GDA: variants seen among roughly 807,000 people sequenced by gnomAD.
GDA encodes guanine deaminase.
GDA carries 18 observed loss-of-function variants against 59.6 expected under a neutral mutation model. The observed-to-expected ratio is 0.30, with a 90% confidence interval of 0.21 to 0.45. GDA has a LOEUF of 0.45. Ranked by LOEUF, GDA falls within the 20% of genes least tolerant of loss-of-function variation. The probability of loss-of-function intolerance (pLI) is 1.00; values close to 1 mark genes in which losing one functional copy is unlikely to be tolerated. For synonymous variants in GDA, 201 were observed against 201.1 expected, an observed-to-expected ratio of 1.00 and a Z score of 0.00; for missense variants, 427 against 552.3, an observed-to-expected ratio of 0.77 and a Z score of 2.27.
chr9:72,138,689 A>G (rs4745169), intron 1 of GDA, among the ~76,000 whole-genome samples: 24,023 of 152,208 alleles, frequency 0.16, 2,568 homozygotes, highest in East Asian at 0.53. Context: ...TCACAGCCAC[A>G]TGTGTGCCTG....
In GDA at chr9:72,149,691, G is replaced by T; in HGVS notation, c.123+9G>T. 6.3e-7 allele frequency: 1 copy of T among 1,594,418 alleles called. No individual in the cohort carries two copies. Among genetic ancestry groups the T allele is most frequent in the Non-Finnish European group, 8.5e-7 (1 of 1,172,156 alleles). On this transcript the variant is annotated intron_variant, in intron 1 of 13. Coordinates refer to ENST00000358399, the MANE Select transcript of GDA (RefSeq NM_004293.5). ...TGAGCGACAGCGGCAAAGTAAGCAGGCGCGGGGTCGAGCGCACTCCGACGG... is the reference window on the plus strand; with the variant it reads ...TGAGCGACAGCGGCAAAGTAAGCAGTCGCGGGGTCGAGCGCACTCCGACGG...
At chr9:72,200,185 A>G (rs1269130648) in intron 2 of GDA, among the ~76,000 whole-genome samples, 6 of 151,710 alleles carry the variant, frequency 4.0e-5, no homozygotes, top group Non-Finnish European at 7.4e-5. Context: ...TTTAGTAGAG[A>G]TGGGGTTTCA....
chr9:72,203,762 G>GA (rs1554671038), intron 3 of GDA, among the ~76,000 whole-genome samples: 1 of 151,716 alleles, frequency 6.6e-6, no homozygotes, highest in Non-Finnish European at 1.5e-5. Context: ...CATCTTGCCA[G>GA]TTTTTTTGGT....
chr9:72,215,408 A>G (rs866226002), intron 5 of GDA, among the ~76,000 whole-genome samples: 1 of 152,158 alleles, frequency 6.6e-6, no homozygotes. Flanking sequence ...AAGGTGGTAT[A>G]TGCATCCTTC....
chr9:72,157,126 G>A (rs1180767243), intron 1 of GDA, among the ~76,000 whole-genome samples: 8 of 133,380 alleles, frequency 6.0e-5, no homozygotes, highest in East Asian at 5.0e-4. Flanking sequence ...TGCAACATCC[G>A]CCTCCTGGGT....
intron 12 of GDA, among the ~76,000 whole-genome samples, chr9:72,246,510 A>C (rs886175245): frequency 1.3e-5 from 2 of 152,248 alleles, no homozygotes; most frequent in Non-Finnish European, 2.9e-5. Flanking sequence ...CCCAAGAAAC[A>C]GGTAAACTTG....
intron 1 of GDA, among the ~76,000 whole-genome samples, chr9:72,183,574 G>C (rs1435402941): frequency 6.6e-6 from 1 of 152,186 alleles, no homozygotes; most frequent in Non-Finnish European, 1.5e-5. Context: ...GTGTCTAATG[G>C]CCGTTAGCCT....
upstream of GDA, among the ~76,000 whole-genome samples, chr9:72,146,510 G>A (rs1013577923): frequency 1.3e-5 from 2 of 151,980 alleles, no homozygotes; most frequent in African/African-American, 4.8e-5. Context: ...CCACCTCCGA[G>A]AGTGGAGTCT....
chr9:72,200,527 G>A (rs1833855221), intron 2 of GDA, among the ~76,000 whole-genome samples: 1 of 150,232 alleles, frequency 6.7e-6, no homozygotes, highest in Non-Finnish European at 1.5e-5. Flanking sequence ...TAAAGTCTTT[G>A]ACGACAATAT....
In GDA at chr9:72,250,253, G is replaced by A; in HGVS notation, c.*1911G>A. On this transcript the variant is annotated 3_prime_UTR_variant, in exon 14 of 14. Coordinates refer to ENST00000358399, the MANE Select transcript of GDA (RefSeq NM_004293.5). Reference sequence around the variant, plus strand: ...ATGAGATGTGTAAGATTCACTTACAGGCAGTAGCTGCTTCTAGCATTTGCA... The same window carrying A: ...ATGAGATGTGTAAGATTCACTTACAAGCAGTAGCTGCTTCTAGCATTTGCA... The A allele has an allele frequency of 1.0e-6, 1 of 993,848 alleles. No homozygotes were observed. Among genetic ancestry groups the A allele is most frequent in the Non-Finnish European group, 1.2e-6 (1 of 835,574 alleles). The allele number at this position is 993,848 out of a possible 1,614,324, so 61.6% of individuals were successfully genotyped here.
intron 5 of GDA, 21 bp from the exon 6 acceptor site, chr9:72,219,458 C>G (rs1367972705): frequency 1.3e-6 from 2 of 1,543,144 alleles, no homozygotes; most frequent in East Asian, 4.5e-5. Flanking sequence ...GTTTTCTAAC[C>G]CATTTGTTGC....
chr9:72,172,375 G>A (rs545929628), intron 1 of GDA, among the ~76,000 whole-genome samples: 28 of 152,182 alleles, frequency 1.8e-4, no homozygotes, highest in African/African-American at 6.3e-4. Flanking sequence ...TTGTTCTTCT[G>A]AGGAATTATT....
Position 72,250,485 on chromosome 9 carries a change from G to T in GDA, c.*2143G>T. The stretch of plus-strand genomic sequence containing the variant: ...TGAATATCTTTCCTAGTAAAAATAG[G>T]ATGTGTTGAAATATTTATATGTACT... On this transcript the variant is annotated 3_prime_UTR_variant, in exon 14 of 14. Coordinates refer to ENST00000358399, the MANE Select transcript of GDA (RefSeq NM_004293.5). The T allele has an allele frequency of 7.4e-7, 1 of 1,342,316 alleles. No individual in the cohort carries two copies. Among genetic ancestry groups the T allele is most frequent in the Non-Finnish European group, 9.6e-7 (1 of 1,045,228 alleles). 83.2% of individuals were successfully genotyped at this position (1,342,316 alleles called of 1,614,324 possible). A position where few individuals can be genotyped will look rare whatever the true frequency, so the allele number is the denominator to read the frequency against.
chr9:72,123,978 T>C (rs1245716911), intron 1 of GDA, among the ~76,000 whole-genome samples: 1 of 152,222 alleles, frequency 6.6e-6, no homozygotes, highest in African/African-American at 2.4e-5. Context: ...CCAGTGAGGA[T>C]ACATTTAAAA....
chr9:72,230,625 G>T (rs965172822), intron 9 of GDA, among the ~76,000 whole-genome samples: 2 of 151,874 alleles, frequency 1.3e-5, no homozygotes, highest in African/African-American at 4.8e-5. Context: ...GAACAGTCAG[G>T]TCCTGACTTT....
intron 12 of GDA, among the ~76,000 whole-genome samples, chr9:72,247,108 T>C (rs1027983316): frequency 5.9e-5 from 9 of 152,232 alleles, no homozygotes; most frequent in African/African-American, 1.9e-4. Context: ...AATATTTGAA[T>C]TATTTTACTA....
intron 2 of GDA, among the ~76,000 whole-genome samples, chr9:72,199,346 A>G (rs1357377480): frequency 1.3e-5 from 2 of 152,290 alleles, no homozygotes; most frequent in Admixed American, 6.5e-5. Context: ...CACGATGCTT[A>G]CTATTTCCTT....
At chr9:72,195,207 C>T (rs1371453867) in intron 1 of GDA, among the ~76,000 whole-genome samples, 1 of 152,126 alleles carries the variant, frequency 6.6e-6, no homozygotes, top group African/African-American at 2.4e-5. Context: ...CTTGCTCCGC[C>T]TCTCCAATTA....
intron 10 of GDA, among the ~76,000 whole-genome samples, chr9:72,233,675 C>G (rs1286185891): frequency 6.6e-6 from 1 of 152,158 alleles, no homozygotes; most frequent in East Asian, 1.9e-4. Context: ...GGTGCAGTGG[C>G]TCATACCTGT....
Sources: allele counts gnomAD v4.1 joint callset (sites outside exome capture counted in the v4.1 genomes callset), GRCh38; gene constraint gnomAD v4.1.1; transcripts MANE v1.5; gene names NCBI Gene and HGNC (gene_info 2026-07-23, HGNC 2026-07-21).